The following PNKD variants were observed in gnomAD, a reference collection of about 807,000 sequenced individuals.
PNKD encodes probable thioesterase PNKD.
PNKD carries 36 observed loss-of-function variants against 45.3 expected under a neutral mutation model. That is an observed-to-expected ratio of 0.80 (90% CI 0.61 to 1.05). The LOEUF is 1.05. Among genes scored for constraint, PNKD ranks in the 50% least tolerant of loss-of-function variants. The pLI, the probability that PNKD is intolerant of heterozygous loss-of-function variation, is 0.00. For missense variants in PNKD, 511 were observed against 506.6 expected, an observed-to-expected ratio of 1.01 and a Z score of -0.08; for synonymous variants, 197 against 210.1, an observed-to-expected ratio of 0.94 and a Z score of 0.54.
At chr2:218,323,402 G>A (rs1414454269) in intron 2 of PNKD, 1 of 1,574,534 alleles carries the variant, frequency 6.4e-7, no homozygotes, top group Admixed American at 1.7e-5. Context: ...TGCTCATGGC[G>A]CACAGCCAGC....
intron 2 of PNKD, among the ~76,000 whole-genome samples, chr2:218,324,919 G>T (rs1409420855): frequency 1.4e-5 from 2 of 148,102 alleles, no homozygotes; most frequent in Admixed American, 1.3e-4. Context: ...CTGGGCGACA[G>T]AGTGAGACTC....
At chr2:218,339,417 G>T (rs1694602129) in intron 2 of PNKD, among the ~76,000 whole-genome samples, 1 of 151,806 alleles carries the variant, frequency 6.6e-6, no homozygotes, top group Admixed American at 6.6e-5. Flanking sequence ...GTAGAGACAG[G>T]GTTTCGCCAT....
At chr2:218,281,160 G>A (rs1221933921) in intron 2 of PNKD, among the ~76,000 whole-genome samples, 4 of 6,714 alleles carry the variant, frequency 6.0e-4, no homozygotes, top group African/African-American at 9.8e-4. Flanking sequence ...TTGAGACAGA[G>A]TCTTGCTCTG....
chr2:218,295,156 T>C (rs1320199941), intron 2 of PNKD, among the ~76,000 whole-genome samples: 1 of 152,228 alleles, frequency 6.6e-6, no homozygotes, highest in Non-Finnish European at 1.5e-5. Flanking sequence ...CTGAAGCGCC[T>C]GGCCCAGAGC....
chr2:218,277,345 A>G (rs376253889), intron 2 of PNKD: 2 of 1,605,444 alleles, frequency 1.2e-6, no homozygotes, highest in Non-Finnish European at 1.7e-6. Context: ...GGGGCCAGGG[A>G]AGGGCCCTCC....
intron 2 of PNKD, among the ~76,000 whole-genome samples, chr2:218,322,048 G>A (rs1050656708): frequency 1.3e-5 from 2 of 148,614 alleles, no homozygotes; most frequent in Non-Finnish European, 3.0e-5. Flanking sequence ...TCAGCCTCCC[G>A]AGTAGCTAGG....
intron 2 of PNKD, among the ~76,000 whole-genome samples, chr2:218,334,255 T>C (rs74325925): frequency 6.6e-6 from 1 of 152,126 alleles, no homozygotes; most frequent in East Asian, 1.9e-4. Flanking sequence ...ACCAAGAAAT[T>C]AACATCAATA....
rs1257494483 is a variant in PNKD, at chr2:218,310,472, TCGAC to T, written c.237-29309_237-29306del. Among the ~76,000 whole-genome samples the T allele has an allele frequency of 2.0e-5, 3 of 151,728 alleles. 1 individual carries two copies. Among genetic ancestry groups the T allele is most frequent in the Non-Finnish European group, 4.4e-5 (3 of 67,952 alleles). The stretch of plus-strand genomic sequence containing the variant: ...CTCCTGACCTTGTTATCCCCCCACC[TCGAC>T]CTCTCAAAGTGCTGGGATTATAGGC... On this transcript the variant is annotated intron_variant, in intron 2 of 9. Transcript: ENST00000273077.
chr2:218,286,964 C>T (rs1395252884), intron 2 of PNKD: 1 of 152,272 alleles, frequency 6.6e-6, no homozygotes, highest in African/African-American at 2.4e-5. Context: ...CTTTATCTGC[C>T]CCCACAAGAA....
At chr2:218,339,736 G>A in intron 2 of PNKD, 47 bp from the exon 3 acceptor site, 1 of 1,154,006 alleles carries the variant, frequency 8.7e-7, no homozygotes, top group East Asian at 2.4e-5. Context: ...GAGTCTAGGG[G>A]AGCTAGGGAG....
intron 2 of PNKD, chr2:218,285,882 G>T (rs1692465118): frequency 6.5e-6 from 1 of 153,380 alleles, no homozygotes; most frequent in Non-Finnish European, 1.5e-5. Flanking sequence ...GAGGGCCCTG[G>T]CCACTTCCAC....
chr2:218,294,735 C>A (rs1389788328), intron 2 of PNKD, among the ~76,000 whole-genome samples: 1 of 152,206 alleles, frequency 6.6e-6, no homozygotes, highest in East Asian at 1.9e-4. Flanking sequence ...TCCTCCACCT[C>A]CCAAAGTGCT....
chr2:218,307,417 T>C (rs928110471), intron 2 of PNKD, among the ~76,000 whole-genome samples: 3 of 152,120 alleles, frequency 2.0e-5, no homozygotes, highest in African/African-American at 7.2e-5. Context: ...CTGGGATTGA[T>C]GGGAGACAGT....
At position 218,309,416 on chromosome 2, in the gene PNKD, CAAAAAAAAAAA is replaced by C. The variant is rs10553302; in HGVS notation, c.237-30355_237-30345del. On this transcript the variant is annotated intron_variant, in intron 2 of 9. Coordinates refer to ENST00000273077, the MANE Select transcript of PNKD (RefSeq NM_015488.5). The stretch of plus-strand genomic sequence containing the variant: ...CCTGGGCAACAGAGAGACTCCGCCT[CAAAAAAAAAAA>C]AAAAAAAAAAAGGAAAGAAAAGGAG... Among the ~76,000 whole-genome samples the C allele has an allele frequency of 5.0e-3, 273 of 54,478 alleles. 1 individual carries two copies. Among genetic ancestry groups the C allele is most frequent in the African/African-American group, 0.02 (252 of 12,826 alleles). The allele number at this position is 54,478 out of a possible 152,430, so 35.7% of individuals were successfully genotyped here.
At chr2:218,319,983 G>T (rs1223829351) in intron 2 of PNKD, among the ~76,000 whole-genome samples, 1 of 152,252 alleles carries the variant, frequency 6.6e-6, no homozygotes, top group Non-Finnish European at 1.5e-5. Flanking sequence ...ATAGGCAAAG[G>T]CCCTGAGGTG....
At chr2:218,284,281 G>A (rs1238516567) in intron 2 of PNKD, 1 of 152,238 alleles carries the variant, frequency 6.6e-6, no homozygotes, top group African/African-American at 2.4e-5. Flanking sequence ...GAAATAAGGT[G>A]GGGGCGACAC....
At chr2:218,295,065 A>G (rs558496420) in intron 2 of PNKD, among the ~76,000 whole-genome samples, 1 of 152,314 alleles carries the variant, frequency 6.6e-6, no homozygotes, top group Non-Finnish European at 1.5e-5. Flanking sequence ...GACATGGGGC[A>G]CACGAGGCAA....
chr2:218,333,691 T>C (rs1243674644), intron 2 of PNKD, among the ~76,000 whole-genome samples: 1 of 152,190 alleles, frequency 6.6e-6, no homozygotes, highest in Non-Finnish European at 1.5e-5. Flanking sequence ...CAGATCTTTC[T>C]GTTGCCAGAG....
intron 2 of PNKD, among the ~76,000 whole-genome samples, chr2:218,303,038 CA>C (rs1390900926): frequency 1.3e-5 from 2 of 152,146 alleles, no homozygotes; most frequent in African/African-American, 4.8e-5. Flanking sequence ...CTGCCAGGTT[CA>C]AGTGATTCTT....
Sources: allele counts gnomAD v4.1 joint callset (sites outside exome capture counted in the v4.1 genomes callset), GRCh38; gene constraint gnomAD v4.1.1; transcripts MANE v1.5; gene names NCBI Gene and HGNC (gene_info 2026-07-23, HGNC 2026-07-21).